SYNE2: variants seen among roughly 807,000 people sequenced by gnomAD.
SYNE2 encodes the protein nesprin-2.
In SYNE2, 431 loss-of-function variants were observed where a neutral mutation model predicts 856.3. That is an observed-to-expected ratio of 0.50 (90% CI 0.47 to 0.55). SYNE2 has a LOEUF of 0.55. Ranked by LOEUF, SYNE2 falls within the 20% of genes least tolerant of loss-of-function variation. The probability of loss-of-function intolerance (pLI) is 0.00; values close to 1 mark genes in which losing one functional copy is unlikely to be tolerated. For synonymous variants in SYNE2, 2,923 were observed against 2,872.3 expected (o/e 1.02, Z -0.56); for missense variants, 8,129 against 8,023.2 (o/e 1.01, Z -0.50).
intron 85 of SYNE2, among the ~76,000 whole-genome samples, chr14:64,158,142 T>A (rs2098300306): frequency 6.6e-6 from 1 of 152,252 alleles, no homozygotes; most frequent in Admixed American, 6.5e-5. Flanking sequence ...TCTGTAGTAA[T>A]AATCAGACTT....
intron 1 of SYNE2, among the ~76,000 whole-genome samples, chr14:63,862,645 G>A (rs1894044600): frequency 6.6e-6 from 1 of 152,200 alleles, no homozygotes; most frequent in African/African-American, 2.4e-5. Context: ...TTCTAGAATA[G>A]TAAGAAAGAC....
At position 64,009,915 on chromosome 14, in the gene SYNE2, C is replaced by T. The variant is rs367780556; in HGVS notation, c.4578-51C>T. On this transcript the variant is annotated intron_variant, in intron 31 of 115. Coordinates refer to ENST00000555002, the MANE Select transcript of SYNE2 (RefSeq NM_182914.3). ...GTGGGATACTTGCAAAGAGAAAGAA[C>T]GGTTTTGCTATTTTTGGACATTTAG... is the stretch of plus-strand genomic sequence containing the variant. 60 of 1,519,262 alleles carry T rather than the reference C, an allele frequency of 3.9e-5. No individual in the cohort carries two copies. The Middle Eastern group carries it at 6.8e-4, about 17-fold the overall frequency. 94.1% of individuals were successfully genotyped at this position (1,519,262 alleles called of 1,614,324 possible).
At chr14:64,141,287 T>G in intron 80 of SYNE2, 54 bp from the exon 81 acceptor site, 2 of 1,466,790 alleles carry the variant, frequency 1.4e-6, no homozygotes, top group South Asian at 1.2e-5. Context: ...TTCCGACTCT[T>G]ACTTTCTGCT....
intron 8 of SYNE2, chr14:63,960,863 A>G: frequency 1.5e-6 from 1 of 666,020 alleles, no homozygotes; most frequent in Non-Finnish European, 2.7e-6. Flanking sequence ...TGGACAACAT[A>G]GAGAGACCCT....
rs549917391 is a variant in SYNE2 at position 64,094,960 on chromosome 14, T to C, written c.12108+1480T>C. ...AAGTAACATTTTTTTAAAGTAGTTA[T>C]ATTTTCTAAAACAAATAGTAATGAG... On this transcript the variant is annotated intron_variant, in intron 61 of 115. Transcript: ENST00000555002. 8 of 168,404 alleles carry C rather than the reference T, an allele frequency of 4.8e-5. 1 individual carries two copies. The highest frequency in any genetic ancestry group is 2.1e-4 in the South Asian group (1 of 4,834). 10.4% of individuals were successfully genotyped at this position (168,404 alleles called of 1,614,324 possible). A position where few individuals can be genotyped will look rare whatever the true frequency, so the allele number is the denominator to read the frequency against.
intron 99 of SYNE2, among the ~76,000 whole-genome samples, chr14:64,201,798 G>C (rs2098568569): frequency 6.6e-6 from 1 of 152,138 alleles, no homozygotes; most frequent in African/African-American, 2.4e-5. Flanking sequence ...GTGCAGTTCT[G>C]ACAGCATCTC....
intron 95 of SYNE2, among the ~76,000 whole-genome samples, chr14:64,175,667 T>C (rs1041263566): frequency 9.9e-5 from 15 of 152,234 alleles, no homozygotes; most frequent in Admixed American, 5.2e-4. Context: ...AGTTCTGATA[T>C]GGTTTTTATC....
At position 63,936,065 on chromosome 14, in the gene SYNE2, G is replaced by A. The variant is rs556043558; in HGVS notation, c.80-4549G>A. On this transcript the variant is annotated intron_variant, in intron 2 of 115. Coordinates refer to ENST00000555002, the MANE Select transcript of SYNE2 (RefSeq NM_182914.3). ...AATTTTTGTATTTTTAATAGAGATG[G>A]GGTTTCACCATGTTGGCCACGCTGG... 1.6e-4 allele frequency among the ~76,000 whole-genome samples: 24 copies of A among 152,214 alleles called. No individual in the cohort carries two copies. In the East Asian group the frequency reaches 4.4e-3, roughly 28 times the overall value.
At chr14:63,762,591 C>CTTTTTT (rs1566550731) in intron 1 of SYNE2, among the ~76,000 whole-genome samples, 1 of 44,328 alleles carries the variant, frequency 2.3e-5, no homozygotes. Context: ...ATAATTTTTT[C>CTTTTTT]TTTCTTTTTT....
chr14:64,177,398 G>GC lies in SYNE2; in HGVS notation c.17472dup (p.Arg5825GlnfsTer10), dbSNP rs1311720867. 2.5e-6 allele frequency: 4 copies of GC among 1,614,038 alleles called. No homozygotes were observed. Among genetic ancestry groups the GC allele is most frequent in the Non-Finnish European group, 3.4e-6 (4 of 1,180,030 alleles). On this transcript the variant is annotated frameshift_variant, in exon 96 of 116. Coordinates refer to ENST00000555002, the MANE Select transcript of SYNE2 (RefSeq NM_182914.3). LOFTEE classifies it high-confidence loss of function. ...GAAAAGAAAATCAAGGAGTTGAAAA[G>GC]CAGGCTGCAAGTTTTAAAGGCACAA...
At chr14:64,111,071 A>G (rs1413855997) in intron 65 of SYNE2, among the ~76,000 whole-genome samples, 4 of 152,128 alleles carry the variant, frequency 2.6e-5, no homozygotes, top group Non-Finnish European at 5.9e-5. Flanking sequence ...GTCATTAAAA[A>G]AAGTGTGTGG....
intron 112 of SYNE2, among the ~76,000 whole-genome samples, chr14:64,222,571 G>A (rs1152587): frequency 0.23 from 35,039 of 151,916 alleles, 6,490 homozygotes; most frequent in African/African-American, 0.5. Flanking sequence ...AAAAATACAA[G>A]AAAAATTAGC....
At chr14:63,801,108 A>G (rs1321334668) in intron 1 of SYNE2, among the ~76,000 whole-genome samples, 2 of 152,248 alleles carry the variant, frequency 1.3e-5, no homozygotes, top group African/African-American at 2.4e-5. Flanking sequence ...TTTGAGCTCT[A>G]TGCCTGAAGT....
At chr14:63,890,509 A>C (rs1415218791) in intron 1 of SYNE2, among the ~76,000 whole-genome samples, 1 of 152,082 alleles carries the variant, frequency 6.6e-6, no homozygotes, top group Non-Finnish European at 1.5e-5. Context: ...TCTGATTTCT[A>C]TGACCCACCT....
chr14:63,892,342 G>T (rs1442873663), intron 1 of SYNE2, among the ~76,000 whole-genome samples: 1 of 151,704 alleles, frequency 6.6e-6, no homozygotes, highest in African/African-American at 2.4e-5. Context: ...GTTCAACTTT[G>T]TAAATTTCAC....
At chr14:63,834,701 C>T (rs1052990863) in intron 1 of SYNE2, among the ~76,000 whole-genome samples, 6 of 146,486 alleles carry the variant, frequency 4.1e-5, no homozygotes, top group Admixed American at 7.1e-5. Context: ...AGTGCAGTGG[C>T]GTGATCTCAG....
In SYNE2 at chr14:64,223,357, T is replaced by A; in HGVS notation, c.20359T>A (p.Leu6787Ile). The change falls in exon 113 of 116, where the codon TTA becomes ATA. Residue 6787 changes from leucine (L) to isoleucine (I), a missense_variant. Leu to Ile is a conservative substitution (Grantham distance 5). Around this residue, in one of 3 missense-constraint regions of SYNE2, gnomAD observed 5,410 missense variants for 5,284.8 expected, o/e 1.02. Transcript: ENST00000555002. The part of the protein sequence containing the change: ...KQLREQVSQD[L>I]MALQGTQNPA... ...GTTACGGGAGCAAGTGTCCCAAGAT[T>A]TAATGGCCTTGCAGGGAACCCAGGT... 1 of 1,614,054 alleles carries A rather than the reference T, an allele frequency of 6.2e-7. No individual in the cohort carries two copies. The highest frequency in any genetic ancestry group is 8.5e-7 in the Non-Finnish European group (1 of 1,179,958).
Position 64,170,440 on chromosome 14 carries a change from G to A in SYNE2, c.17213G>A (p.Arg5738Lys), listed in dbSNP as rs781056677. 1 of 1,612,972 alleles carries A rather than the reference G, an allele frequency of 6.2e-7. No individual in the cohort carries two copies. Among genetic ancestry groups the A allele is most frequent in the South Asian group, 1.1e-5 (1 of 90,812 alleles). ...GQERFSLYQT[R>K]SLIHELKNKE... ...GAGCGCTTCAGCCTCTACCAAACCAGAAGTCTGATCCATGAGCTGAAGGTA... is the reference window on the plus strand; with the variant it reads ...GAGCGCTTCAGCCTCTACCAAACCAAAAGTCTGATCCATGAGCTGAAGGTA... Residue 5738 changes from arginine to lysine, a missense_variant, in exon 94 of 116, where the codon AGA becomes AAA. Transcript: ENST00000555002.
intron 1 of SYNE2, among the ~76,000 whole-genome samples, chr14:63,846,904 C>T (rs1461889099): frequency 1.3e-5 from 2 of 151,942 alleles, no homozygotes; most frequent in East Asian, 1.9e-4. Flanking sequence ...CCTAATAGGG[C>T]ACTTTAAAAT....
Sources: gnomAD v4.1 joint callset for allele counts (sites outside exome capture counted in the v4.1 genomes callset) on GRCh38, gnomAD v4.1.1 for gene constraint, gnomAD v4.1.1 regional missense constraint, MANE v1.5 for transcripts, NCBI Gene and HGNC (gene_info 2026-07-23, HGNC 2026-07-21) for gene names.